Variants in ZNF705G observed in about 807,000 individuals in gnomAD.
The protein encoded by ZNF705G is zinc finger protein 705G.
ZNF705G carries 23 observed loss-of-function variants against 19.6 expected under a neutral mutation model. The observed-to-expected ratio is 1.17, with a 90% confidence interval of 0.84 to 1.66. The LOEUF (loss-of-function observed/expected upper bound fraction) is 1.66. Among genes scored for constraint, ZNF705G ranks in the 40% most tolerant of loss-of-function variants. The pLI is 0.00. For missense variants in ZNF705G, 457 were observed against 354.4 expected (o/e 1.29, Z -2.32); for synonymous variants, 146 against 117.7 (o/e 1.24, Z -1.56).
chr8:7,367,716 TC>T (rs1221949642), intron 2 of ZNF705G, among the ~76,000 whole-genome samples: 7 of 149,632 alleles, frequency 4.7e-5, no homozygotes, highest in Non-Finnish European at 1.0e-4. Flanking sequence ...TCCTTCCTGT[TC>T]TAAAGCCTTT....
intron 2 of ZNF705G, among the ~76,000 whole-genome samples, chr8:7,379,888 C>A (rs968135832): frequency 6.9e-6 from 1 of 145,574 alleles, no homozygotes; most frequent in Non-Finnish European, 1.5e-5. Context: ...GCCCAGCCCC[C>A]AAAAGACTAC....
At chr8:7,368,764 G>C (rs1414306545) in intron 2 of ZNF705G, among the ~76,000 whole-genome samples, 1 of 149,716 alleles carries the variant, frequency 6.7e-6, no homozygotes, top group Non-Finnish European at 1.5e-5. Flanking sequence ...TGCAAGCACA[G>C]GACAGTGCTC....
rs5889203 is a variant in ZNF705G, at chr8:7,383,125, A to ATTTT, written c.-221-1528_-221-1525dup. Among the ~76,000 whole-genome samples the ATTTT allele has an allele frequency of 3.1e-3, 389 of 125,708 alleles. 1 individual carries two copies. The highest frequency in any genetic ancestry group is 0.011 in the African/African-American group (328 of 30,028). The allele number at this position is 125,708 out of a possible 152,430, so 82.5% of individuals were successfully genotyped here. A position where few individuals can be genotyped will look rare whatever the true frequency, so the allele number is the denominator to read the frequency against. On this transcript the variant is annotated intron_variant, in intron 1 of 6. Coordinates refer to ENST00000400156, the MANE Select transcript of ZNF705G (RefSeq NM_001164457.3). ...TTTCCTTGGTTGAGTTCAATGTTTGATTTTTTTTTTTTTTTTTTTTTGCTA... is the reference window on the plus strand; with the variant it reads ...TTTCCTTGGTTGAGTTCAATGTTTGATTTTTTTTTTTTTTTTTTTTTTTTTGCTA...
rs1328699652 is a variant in ZNF705G, at chr8:7,385,481, C to A, written c.-222+17G>T. On this transcript the variant is annotated intron_variant, in intron 1 of 6. Transcript: ENST00000400156. Reference sequence around the variant, plus strand: ...CCACCCCTTATTTAAAACCAGTTGGCCCTACTGGAAACCCACCTTGCAGTT... The same window carrying A: ...CCACCCCTTATTTAAAACCAGTTGGACCTACTGGAAACCCACCTTGCAGTT... 2.0e-5 allele frequency: 3 copies of A among 149,592 alleles called. No individual in the cohort carries two copies. Among genetic ancestry groups the A allele is most frequent in the African/African-American group, 5.2e-5 (2 of 38,792 alleles). 9.3% of individuals were successfully genotyped at this position (149,592 alleles called of 1,614,324 possible).
intron 1 of ZNF705G, among the ~76,000 whole-genome samples, chr8:7,382,822 C>T (rs1807553805): frequency 6.8e-6 from 1 of 146,654 alleles, no homozygotes. Flanking sequence ...TTTTGGGGTA[C>T]AGATAGTTTT....
intron 6 of ZNF705G, among the ~76,000 whole-genome samples, chr8:7,359,355 T>C (rs1487021445): frequency 6.7e-6 from 1 of 149,860 alleles, no homozygotes; most frequent in Non-Finnish European, 1.5e-5. Flanking sequence ...GCAGCGTTAT[T>C]GCATAATTGT....
chr8:7,365,631 A>C (rs1458375686), intron 2 of ZNF705G, among the ~76,000 whole-genome samples: 2 of 149,424 alleles, frequency 1.3e-5, no homozygotes, highest in Non-Finnish European at 2.9e-5. Context: ...CCGCCTCTCA[A>C]AGTATTGGGA....
chr8:7,367,461 C>A (rs1185874131), intron 2 of ZNF705G, among the ~76,000 whole-genome samples: 3 of 149,296 alleles, frequency 2.0e-5, no homozygotes, highest in African/African-American at 7.7e-5. Context: ...CATAATCTTC[C>A]GGGGGCACGC....
intron 2 of ZNF705G, among the ~76,000 whole-genome samples, chr8:7,369,986 A>G (rs1807023578): frequency 6.7e-6 from 1 of 149,418 alleles, no homozygotes; most frequent in East Asian, 1.9e-4. Context: ...TCAGCATCAC[A>G]CAATGTGCCA....
intron 6 of ZNF705G, 141 bp from the exon 7 acceptor site, chr8:7,358,701 A>G: frequency 1.4e-6 from 2 of 1,433,942 alleles, no homozygotes; most frequent in East Asian, 4.7e-5. Context: ...GTGAAAGGAA[A>G]TTAAATTTTG....
intron 1 of ZNF705G, among the ~76,000 whole-genome samples, chr8:7,384,593 C>CA (rs562423643): frequency 9.6e-5 from 14 of 145,782 alleles, no homozygotes; most frequent in African/African-American, 2.3e-4. Context: ...TGGAATGTCT[C>CA]AAAAAAATCC....
Position 7,382,720 on chromosome 8 carries a change from C to G in ZNF705G, c.-221-1119G>C, listed in dbSNP as rs2719524. Among the ~76,000 whole-genome samples the G allele has an allele frequency of 1.6e-4, 24 of 146,568 alleles. 1 individual carries two copies. The highest frequency in any genetic ancestry group is 1.0e-3 in the South Asian group (5 of 4,772). On this transcript the variant is annotated intron_variant, in intron 1 of 6. Transcript: ENST00000400156. ...GATTAAATTAACCAACATTTAATAC[C>G]ACTGACATTACCTTATTTCAAGATC...
At chr8:7,379,520 T>C (rs139998139) in intron 2 of ZNF705G, among the ~76,000 whole-genome samples, 4,626 of 146,810 alleles carry the variant, frequency 0.032, 856 homozygotes, top group African/African-American at 0.12. Context: ...TAGATAATCA[T>C]ACCTTGAAGA....
rs199631521 is a variant in ZNF705G at position 7,384,088 on chromosome 8, C to T, written c.-222+1410G>A. 4.9e-4 allele frequency among the ~76,000 whole-genome samples: 53 copies of T among 107,866 alleles called. 2 individuals carry two copies. The East Asian group carries it at 0.014, about 29-fold the overall frequency. The allele number at this position is 107,866 out of a possible 152,430, so 70.8% of individuals were successfully genotyped here. ...GAAATCAGCCAAGCTCTGATGTAAGCTGTGGTCTTTGCAAAAATAGAGACA... is the reference window on the plus strand; with the variant it reads ...GAAATCAGCCAAGCTCTGATGTAAGTTGTGGTCTTTGCAAAAATAGAGACA... On this transcript the variant is annotated intron_variant, in intron 1 of 6. Transcript: ENST00000400156.
rs150682727 is a variant in ZNF705G, at chr8:7,378,879, C to T, written c.-72+2573G>A. On this transcript the variant is annotated intron_variant, in intron 2 of 6. Coordinates refer to ENST00000400156, the MANE Select transcript of ZNF705G (RefSeq NM_001164457.3). ...AAACCTCAATTCCCCTTTGCTTACA[C>T]GGTGGCACATTCACAGGACCCAGGA... Among the ~76,000 whole-genome samples, 450 of 146,400 alleles carry T rather than the reference C, an allele frequency of 3.1e-3. 73 individuals are homozygous for T. Among genetic ancestry groups the T allele is most frequent in the African/African-American group, 0.012 (435 of 36,032 alleles).
rs1188721708 is a variant in ZNF705G, at chr8:7,358,320, G to C, written c.559C>G (p.Leu187Val). Residue 187 changes from leucine (L) to valine (V), a missense_variant, in exon 7 of 7, where the codon CTT becomes GTT. By Grantham distance (32) the Leu-to-Val change is conservative (BLOSUM62 1). Transcript: ENST00000400156. Reference protein sequence around the residue: ...CEKAYTNCFHLRRHKMTHTGE... With the variant: ...CEKAYTNCFHVRRHKMTHTGE... ...GTGTGAGTCATCTTGTGCCGTCTAA[G>C]GTGAAAGCAATTAGTATAGGCCTTT... is the stretch of plus-strand genomic sequence containing the variant. 2.5e-6 allele frequency: 4 copies of C among 1,607,666 alleles called. No individual in the cohort carries two copies. In the Admixed American group the frequency reaches 6.7e-5, roughly 27 times the overall value.
intron 2 of ZNF705G, among the ~76,000 whole-genome samples, chr8:7,367,740 C>G (rs1404955632): frequency 6.7e-6 from 1 of 149,640 alleles, no homozygotes; most frequent in Non-Finnish European, 1.5e-5. Context: ...AAATAAACTT[C>G]CACTCCTGCT....
intron 2 of ZNF705G, among the ~76,000 whole-genome samples, chr8:7,367,893 C>G (rs1251465110): frequency 2.0e-5 from 3 of 149,722 alleles, no homozygotes; most frequent in African/African-American, 7.7e-5. Flanking sequence ...GTAACAGTAT[C>G]ATTGTAAGGG....
At position 7,379,549 on chromosome 8, in the gene ZNF705G, T is replaced by C. The variant is rs929303434; in HGVS notation, c.-72+1903A>G. ...TTGAAGAGGGCATGAAAGAGGGCAC[T>C]AGAATTCAGCAGCAAAGTGATGAGG... On this transcript the variant is annotated intron_variant, in intron 2 of 6. Transcript: ENST00000400156. Among the ~76,000 whole-genome samples, 13 of 147,048 alleles carry C rather than the reference T, an allele frequency of 8.8e-5. 1 individual carries two copies. Among genetic ancestry groups the C allele is most frequent in the African/African-American group, 1.9e-4 (7 of 36,576 alleles).
Sources: gnomAD v4.1 joint callset for allele counts (sites outside exome capture counted in the v4.1 genomes callset) on GRCh38, gnomAD v4.1.1 for gene constraint, MANE v1.5 for transcripts, NCBI Gene and HGNC (gene_info 2026-07-23, HGNC 2026-07-21) for gene names.